The following CYP19A1 variants were observed in gnomAD, a reference collection of about 807,000 sequenced individuals.
CYP19A1 encodes cytochrome P450 family 19 subfamily A member 1.
CYP19A1 carries 32 observed loss-of-function variants against 44.4 expected under a neutral mutation model. That is an observed-to-expected ratio of 0.72 (90% CI 0.54 to 0.97). The LOEUF (loss-of-function observed/expected upper bound fraction) is 0.97. Among genes scored for constraint, CYP19A1 ranks in the 50% least tolerant of loss-of-function variants. The probability of loss-of-function intolerance (pLI) is 0.00; values close to 1 mark genes in which losing one functional copy is unlikely to be tolerated. For missense variants in CYP19A1, 598 were observed against 637.8 expected (o/e 0.94, Z 0.67); for synonymous variants, 212 against 215.6 (o/e 0.98, Z 0.14).
chr15:51,280,617 C>G (rs893241542), intron 1 of CYP19A1, among the ~76,000 whole-genome samples: 13 of 152,212 alleles, frequency 8.5e-5, no homozygotes, highest in African/African-American at 2.9e-4. Flanking sequence ...TTCTCATCTA[C>G]ATGGGTGGAG....
At chr15:51,248,080 G>A (rs977631070) in intron 1 of CYP19A1, among the ~76,000 whole-genome samples, 3 of 152,098 alleles carry the variant, frequency 2.0e-5, no homozygotes, top group Non-Finnish European at 4.4e-5. Context: ...GCTCTCAAAA[G>A]CCTCTGTTGT....
intron 4 of CYP19A1, among the ~76,000 whole-genome samples, chr15:51,227,330 T>C (rs2032661867): frequency 6.6e-6 from 1 of 152,052 alleles, no homozygotes; most frequent in Non-Finnish European, 1.5e-5. Context: ...AGTAAAGGCA[T>C]AATGAATGTT....
intron 1 of CYP19A1, among the ~76,000 whole-genome samples, chr15:51,278,471 G>A (rs1221137682): frequency 6.6e-6 from 1 of 152,194 alleles, no homozygotes; most frequent in African/African-American, 2.4e-5. Flanking sequence ...ATAGATTCAT[G>A]CACACACATA....
intron 2 of CYP19A1, among the ~76,000 whole-genome samples, chr15:51,242,433 A>G (rs2033824488): frequency 6.6e-6 from 1 of 152,016 alleles, no homozygotes; most frequent in African/African-American, 2.4e-5. Context: ...ATTGCAATCT[A>G]TTTTTTAAAA....
intron 1 of CYP19A1, among the ~76,000 whole-genome samples, chr15:51,307,384 G>C (rs767243461): frequency 6.6e-6 from 1 of 152,296 alleles, no homozygotes; most frequent in South Asian, 2.1e-4. Flanking sequence ...GCTTCTTTGA[G>C]GGGGGACAAG....
At chr15:51,328,264 A>C (rs1400030185) in intron 1 of CYP19A1, among the ~76,000 whole-genome samples, 4 of 152,218 alleles carry the variant, frequency 2.6e-5, no homozygotes, top group Non-Finnish European at 5.9e-5. Context: ...TATATATAAA[A>C]TGGGGTTGGA....
chr15:51,281,454 C>A (rs1029016445), intron 1 of CYP19A1, among the ~76,000 whole-genome samples: 81 of 152,320 alleles, frequency 5.3e-4, no homozygotes, highest in African/African-American at 1.9e-3. Flanking sequence ...CCCTGAGGAG[C>A]CAGAGCACTG....
intron 1 of CYP19A1, among the ~76,000 whole-genome samples, chr15:51,292,872 CA>C (rs2035879848): frequency 6.6e-6 from 1 of 150,984 alleles, no homozygotes; most frequent in African/African-American, 2.4e-5. Flanking sequence ...CTTTAGTGGA[CA>C]CAGGTCTGGT....
Position 51,274,736 on chromosome 15 carries a change from G to A in CYP19A1, c.-38-31786C>T, listed in dbSNP as rs530396258. 4.8e-4 allele frequency among the ~76,000 whole-genome samples: 73 copies of A among 152,296 alleles called. 2 individuals are homozygous for A. The South Asian group carries it at 0.015, about 31-fold the overall frequency. The stretch of plus-strand genomic sequence containing the variant: ...AGTGTTTATTCTAGGACTGGCTACA[G>A]CCTCCCTGGCCCTCGCTCCTGTATA... On this transcript the variant is annotated intron_variant, in intron 1 of 9. Transcript: ENST00000396402.
intron 1 of CYP19A1, chr15:51,318,984 G>A (rs1169443920): frequency 6.6e-6 from 1 of 152,204 alleles, no homozygotes; most frequent in Non-Finnish European, 1.5e-5. Flanking sequence ...AACACCCTGA[G>A]ATGTAGCCTG....
intron 2 of CYP19A1, among the ~76,000 whole-genome samples, 178 bp from the exon 3 acceptor site, chr15:51,237,187 A>T (rs2033460508): frequency 6.6e-6 from 1 of 152,238 alleles, no homozygotes; most frequent in Admixed American, 6.5e-5. Context: ...CCTCACGCTT[A>T]ACATGAGGCT....
chr15:51,252,074 T>C (rs62020094), intron 1 of CYP19A1, among the ~76,000 whole-genome samples: 4,287 of 152,270 alleles, frequency 0.028, 80 homozygotes, highest in Non-Finnish European at 0.04. Context: ...CCACGTTGTC[T>C]TAGGCCAGCC....
At chr15:51,218,340 A>G in intron 6 of CYP19A1, 1 of 730,264 alleles carries the variant, frequency 1.4e-6, no homozygotes, top group Non-Finnish European at 2.1e-6. Flanking sequence ...TGCCCAGCCA[A>G]AGGCTTCATT....
chr15:51,281,581 A>C (rs1420558328), intron 1 of CYP19A1, among the ~76,000 whole-genome samples: 1 of 152,224 alleles, frequency 6.6e-6, no homozygotes, highest in Non-Finnish European at 1.5e-5. Flanking sequence ...CGCCTTCTTC[A>C]GCTGAGCCCT....
At chr15:51,253,024 A>G (rs1340278800) in intron 1 of CYP19A1, among the ~76,000 whole-genome samples, 1 of 152,126 alleles carries the variant, frequency 6.6e-6, no homozygotes, top group Non-Finnish European at 1.5e-5. Flanking sequence ...AGAATGAGAA[A>G]CTAATTGGCT....
chr15:51,271,199 T>C (rs2035114169), intron 1 of CYP19A1, among the ~76,000 whole-genome samples: 1 of 152,110 alleles, frequency 6.6e-6, no homozygotes, highest in African/African-American at 2.4e-5. Flanking sequence ...ATCACCCAGG[T>C]CATACAGTCT....
intron 1 of CYP19A1, among the ~76,000 whole-genome samples, chr15:51,329,442 C>T (rs2036664838): frequency 6.6e-6 from 1 of 152,152 alleles, no homozygotes; most frequent in African/African-American, 2.4e-5. Context: ...AGGCTAGGGG[C>T]CTTTTGAGAA....
At chr15:51,246,416 C>T (rs992559236) in intron 1 of CYP19A1, among the ~76,000 whole-genome samples, 2 of 152,208 alleles carry the variant, frequency 1.3e-5, no homozygotes, top group South Asian at 2.1e-4. Context: ...CAGCATCCCA[C>T]GTTGGCCTGG....
chr15:51,235,253 T>C (rs2033314916), intron 3 of CYP19A1, among the ~76,000 whole-genome samples: 1 of 152,152 alleles, frequency 6.6e-6, no homozygotes, highest in Non-Finnish European at 1.5e-5. Flanking sequence ...ATCTAGTTCT[T>C]AGAGCAGTGG....
Sources: gnomAD v4.1 joint callset for allele counts (sites outside exome capture counted in the v4.1 genomes callset) on GRCh38, gnomAD v4.1.1 for gene constraint, MANE v1.5 for transcripts, NCBI Gene and HGNC (gene_info 2026-07-23, HGNC 2026-07-21) for gene names.